GPD2: variants seen among roughly 807,000 people sequenced by gnomAD.
GPD2 encodes the protein glycerol-3-phosphate dehydrogenase, mitochondrial.
Under a neutral mutation model 82.4 loss-of-function variants are expected in GPD2, and 54 were observed. The observed-to-expected ratio is 0.66, with a 90% CI of 0.53 to 0.82. GPD2 has a LOEUF of 0.82. Among genes scored for constraint, GPD2 ranks in the 40% least tolerant of loss-of-function variants. The pLI is 0.00. For missense variants in GPD2, 748 were observed against 896.2 expected, an observed-to-expected ratio of 0.83 and a Z score of 2.11; for synonymous variants, 288 against 306.1, an observed-to-expected ratio of 0.94 and a Z score of 0.62.
In GPD2 at chr2:156,569,362, G is replaced by A; in HGVS notation, c.1301-1G>A. The A allele has an allele frequency of 6.3e-7, 1 of 1,599,266 alleles. No individual in the cohort carries two copies. The highest frequency in any genetic ancestry group is 8.6e-7 in the Non-Finnish European group (1 of 1,166,792). On this transcript the variant is annotated splice_acceptor_variant, in intron 10 of 16. Transcript: ENST00000438166. LOFTEE classifies it high-confidence loss of function. The stretch of plus-strand genomic sequence containing the variant: ...TGAATTGTCTATCAATTTCTTTATA[G>A]GTGGAAAGTGGACAACTTATCGGTC...
intron 1 of GPD2, among the ~76,000 whole-genome samples, chr2:156,474,603 A>G (rs1683441223): frequency 6.6e-6 from 1 of 152,158 alleles, no homozygotes; most frequent in Admixed American, 6.5e-5. Flanking sequence ...TTTTTAGTTG[A>G]TCACACAGGA....
chr2:156,418,043 C>G, the GPD2 span, among the ~76,000 whole-genome samples: 3 of 151,366 alleles, frequency 2.0e-5, no homozygotes, highest in Admixed American at 6.6e-5. Context: ...GGTGAAACCC[C>G]ATCTCTACTA....
intron 1 of GPD2, among the ~76,000 whole-genome samples, chr2:156,466,500 A>G (rs1451825722): frequency 6.6e-6 from 1 of 152,216 alleles, no homozygotes; most frequent in Non-Finnish European, 1.5e-5. Context: ...TATTTTAGAA[A>G]TGGTAGAAAG....
the GPD2 span, among the ~76,000 whole-genome samples, chr2:156,428,326 A>G: frequency 3.9e-5 from 6 of 152,228 alleles, no homozygotes; most frequent in Non-Finnish European, 7.3e-5. Context: ...TGAAAAAACT[A>G]GAATTTCAAC....
intron 1 of GPD2, among the ~76,000 whole-genome samples, chr2:156,462,786 C>T (rs1558910756): frequency 1.3e-5 from 2 of 152,170 alleles, no homozygotes. Context: ...TAGTAAGTAG[C>T]TCCTTTAGCC....
intron 1 of GPD2, among the ~76,000 whole-genome samples, chr2:156,451,773 G>GT (rs1682603664): frequency 1.3e-5 from 2 of 151,704 alleles, no homozygotes; most frequent in African/African-American, 4.8e-5. Context: ...CCCAGACAGG[G>GT]TGGCTGCCGG....
At chr2:156,535,281 G>GAGAGAGAGAA (rs1048753037) in intron 6 of GPD2, among the ~76,000 whole-genome samples, 14 of 150,980 alleles carry the variant, frequency 9.3e-5, no homozygotes, top group Non-Finnish European at 1.5e-4. Flanking sequence ...AGGTGAGAGA[G>GAGAGAGAGAA]AGAGAGAGAA....
chr2:156,492,964 C>T (rs1558926084), intron 2 of GPD2, among the ~76,000 whole-genome samples: 1 of 152,110 alleles, frequency 6.6e-6, no homozygotes, highest in Non-Finnish European at 1.5e-5. Context: ...CTCAAGTAGG[C>T]AGTGTGAGAT....
intron 1 of GPD2, among the ~76,000 whole-genome samples, chr2:156,469,418 G>A (rs549854910): frequency 1.3e-5 from 2 of 152,282 alleles, no homozygotes; most frequent in South Asian, 4.1e-4. Flanking sequence ...GCCCACCTTG[G>A]CATCCCAAAG....
At chr2:156,510,771 T>G (rs368263096) in intron 3 of GPD2, 25 bp from the exon 4 acceptor site, 1 of 1,597,974 alleles carries the variant, frequency 6.3e-7, no homozygotes, top group Non-Finnish European at 8.6e-7. Flanking sequence ...ATTTAAGAAG[T>G]TAATTTGGTT....
In GPD2 at chr2:156,509,607, T is replaced by C. The variant is rs1027776187; in HGVS notation, c.275-1189T>C. Among the ~76,000 whole-genome samples, 4 of 152,002 alleles carry C rather than the reference T, an allele frequency of 2.6e-5. No homozygotes were observed. The East Asian group carries it at 7.7e-4, about 29-fold the overall frequency. On this transcript the variant is annotated intron_variant, in intron 3 of 16. Transcript: ENST00000438166. ...TCCTGTGTGGCACTTGTAGTACTGATGGTCATCTCCAGTCCTGAAGAGGCA... is the reference window on the plus strand; with the variant it reads ...TCCTGTGTGGCACTTGTAGTACTGACGGTCATCTCCAGTCCTGAAGAGGCA...
At chr2:156,488,615 G>A (rs2105225853) in intron 2 of GPD2, among the ~76,000 whole-genome samples, 1 of 151,910 alleles carries the variant, frequency 6.6e-6, no homozygotes, top group East Asian at 1.9e-4. Flanking sequence ...AAATGTCTAG[G>A]ATTTTTTTTT....
At chr2:156,475,211 C>T (rs1254960490) in intron 1 of GPD2, among the ~76,000 whole-genome samples, 3 of 152,174 alleles carry the variant, frequency 2.0e-5, no homozygotes, top group Non-Finnish European at 4.4e-5. Flanking sequence ...TGTCATGCAA[C>T]TCTGGCTAGA....
chr2:156,511,621 A>G (rs1685000771), intron 4 of GPD2, among the ~76,000 whole-genome samples: 1 of 152,228 alleles, frequency 6.6e-6, no homozygotes, highest in East Asian at 1.9e-4. Flanking sequence ...AGAAAACAGC[A>G]TAGGATTTAG....
chr2:156,534,823 ACT>A (rs1241192181), intron 6 of GPD2, among the ~76,000 whole-genome samples: 2 of 152,160 alleles, frequency 1.3e-5, no homozygotes, highest in Middle Eastern at 3.4e-3. Context: ...AAAAAAAAAA[ACT>A]CTAACAGAGG....
At chr2:156,401,029 G>T in the GPD2 span, among the ~76,000 whole-genome samples, 1 of 152,178 alleles carries the variant, frequency 6.6e-6, no homozygotes, top group African/African-American at 2.4e-5. Context: ...AGTGAAATAG[G>T]GAATTGGCTT....
chr2:156,476,379 G>C (rs1269617626), intron 2 of GPD2, among the ~76,000 whole-genome samples, 172 bp downstream of exon 2: 2 of 152,236 alleles, frequency 1.3e-5, no homozygotes, highest in Non-Finnish European at 2.9e-5. Flanking sequence ...GGAGAACTGT[G>C]TGTATCTCCT....
chr2:156,448,485 T>G (rs1250041564), intron 1 of GPD2, among the ~76,000 whole-genome samples: 7 of 152,218 alleles, frequency 4.6e-5, no homozygotes. Flanking sequence ...CTTGTAGAAT[T>G]ATGTTTTAGT....
At chr2:156,462,188 T>C (rs754748935) in intron 1 of GPD2, among the ~76,000 whole-genome samples, 4 of 152,208 alleles carry the variant, frequency 2.6e-5, no homozygotes, top group Non-Finnish European at 5.9e-5. Flanking sequence ...TTCAAGATAA[T>C]GTGGATCTAT....
Sources: allele counts gnomAD v4.1 joint callset (sites outside exome capture counted in the v4.1 genomes callset), GRCh38; gene constraint gnomAD v4.1.1; transcripts MANE v1.5; gene names NCBI Gene and HGNC (gene_info 2026-07-23, HGNC 2026-07-21).